The following CCNF variants were observed in gnomAD, a reference collection of about 807,000 sequenced individuals.
CCNF encodes cyclin-F.
Under a neutral mutation model 85.4 loss-of-function variants are expected in CCNF, and 30 were observed. The ratio of observed to expected loss-of-function variants is 0.35; its 90% CI spans 0.26 to 0.48. The LOEUF (loss-of-function observed/expected upper bound fraction) is 0.48, where lower values mean the gene tolerates loss of function less well. Among genes scored for constraint, CCNF ranks in the 20% least tolerant of loss-of-function variants. The pLI, the probability that CCNF is intolerant of heterozygous loss-of-function variation, is 0.99. For synonymous variants in CCNF, 439 were observed against 425.1 expected (o/e 1.03, Z -0.40); for missense variants, 919 against 1,010.4 (o/e 0.91, Z 1.23).
intron 3 of CCNF, among the ~76,000 whole-genome samples, chr16:2,433,792 G>T (rs2065274244): frequency 6.6e-6 from 1 of 152,028 alleles, no homozygotes; most frequent in Non-Finnish European, 1.5e-5. Flanking sequence ...CGCCATGTTG[G>T]CCAGGATGGT....
In CCNF at chr16:2,451,152, C is replaced by G. The variant is rs952565267; in HGVS notation, c.1487+1237C>G. Reference sequence around the variant, plus strand: ...CAGTTCATGAAGTCCCTACCGTGGTCCAGGCGCTGGGGGAGAGGGCAGGAC... The same window carrying G: ...CAGTTCATGAAGTCCCTACCGTGGTGCAGGCGCTGGGGGAGAGGGCAGGAC... On this transcript the variant is annotated intron_variant, in intron 13 of 16. Coordinates refer to ENST00000397066, the MANE Select transcript of CCNF (RefSeq NM_001761.3). This position sits in a 1 kb window ranked among gnomAD's most constrained non-coding sequence, Gnocchi z 4.3. Among the ~76,000 whole-genome samples the G allele has an allele frequency of 6.6e-6, 1 of 152,240 alleles. No homozygotes were observed. Among genetic ancestry groups the G allele is most frequent in the Non-Finnish European group, 1.5e-5 (1 of 68,040 alleles).
At chr16:2,434,432 G>A (rs1192951854) in intron 3 of CCNF, among the ~76,000 whole-genome samples, 2 of 152,228 alleles carry the variant, frequency 1.3e-5, no homozygotes, top group African/African-American at 4.8e-5. Context: ...GAGCAACATG[G>A]TGAAACCCTG....
At position 2,432,968 on chromosome 16, in the gene CCNF, C is replaced by A. The variant is rs1375777862; in HGVS notation, c.179C>A (p.Ser60Tyr). ...GCCCCCGTTGTTCTGCAGGTACACT[C>A]CCAGCTGAAGGACCTGGTGGACAAC... Reference protein sequence around the residue: ...EDILAVRAVHSQLKDLVDNHA... With the variant: ...EDILAVRAVHYQLKDLVDNHA... The change falls in exon 3 of 17, where the codon TCC becomes TAC. Residue 60 changes from serine (S) to tyrosine (Y), a missense_variant. Coordinates refer to ENST00000397066, the MANE Select transcript of CCNF (RefSeq NM_001761.3). 4.4e-6 allele frequency: 7 copies of A among 1,602,708 alleles called. No individual in the cohort carries two copies. The African/African-American group carries it at 8.0e-5, about 18-fold the overall frequency.
At chr16:2,430,161 A>G (rs1175328636) in intron 1 of CCNF, among the ~76,000 whole-genome samples, 1 of 152,146 alleles carries the variant, frequency 6.6e-6, no homozygotes, top group African/African-American at 2.4e-5. Context: ...AGCCGGGAGC[A>G]ATCGCTAGGA....
chr16:2,456,758 CAG>C lies in CCNF; in HGVS notation c.2100_2101del (p.Gly701ValfsTer32). On this transcript the variant is annotated frameshift_variant, in exon 17 of 17. Coordinates refer to ENST00000397066, the MANE Select transcript of CCNF (RefSeq NM_001761.3). LOFTEE classifies it low-confidence loss of function (END_TRUNC). This position sits in a 1 kb window ranked among gnomAD's most constrained non-coding sequence, Gnocchi z 4.5. ...GAGCCAGGGAAGGACGTCACGACCT[CAG>C]GGTACTCCTCCGTCAGCACCGCAAG... The C allele has an allele frequency of 6.2e-7, 1 of 1,612,888 alleles. No homozygotes were observed. The highest frequency in any genetic ancestry group is 1.1e-5 in the South Asian group (1 of 90,976).
intron 8 of CCNF, among the ~76,000 whole-genome samples, chr16:2,441,232 C>CA (rs1206876675): frequency 9.1e-4 from 129 of 142,416 alleles, no homozygotes; most frequent in Admixed American, 3.5e-3. Flanking sequence ...TACTCCATCT[C>CA]AAAAAAAAAA....
At chr16:2,444,645 A>G (rs2065351808) in intron 9 of CCNF, among the ~76,000 whole-genome samples, 1 of 148,832 alleles carries the variant, frequency 6.7e-6, no homozygotes, top group Non-Finnish European at 1.5e-5. Flanking sequence ...CACCCAGGCC[A>G]GAGTGCAGTG....
At position 2,458,450 on chromosome 16, in the gene CCNF, A is replaced by G. The variant is rs2141835340; in HGVS notation, c.*1430A>G. On this transcript the variant is annotated 3_prime_UTR_variant, in exon 17 of 17. Coordinates refer to ENST00000397066, the MANE Select transcript of CCNF (RefSeq NM_001761.3). ...TTTTCGGTAGAGACGGGATTTCACC[A>G]TGTTGGCCAGGCTAGTCTCGAACTC... 6.6e-6 allele frequency: 1 copy of G among 152,100 alleles called. No individual in the cohort carries two copies. Among genetic ancestry groups the G allele is most frequent in the Admixed American group, 6.5e-5 (1 of 15,280 alleles). The allele number at this position is 152,100 out of a possible 1,614,324, so 9.4% of individuals were successfully genotyped here.
chr16:2,449,178 G>A (rs779564332), intron 11 of CCNF, 104 bp from the exon 12 acceptor site: 260 of 1,474,430 alleles, frequency 1.8e-4, no homozygotes, highest in Non-Finnish European at 2.2e-4. Flanking sequence ...GTGCAGCATC[G>A]GCGTGAACAT....
chr16:2,449,225 C>A, intron 11 of CCNF, 57 bp from the exon 12 acceptor site: 1 of 1,580,732 alleles, frequency 6.3e-7, no homozygotes, highest in Non-Finnish European at 8.7e-7. Context: ...CTGCATGCGG[C>A]ACTGCACCAA....
Position 2,445,634 on chromosome 16 carries a change from C to A in CCNF, c.1094+12C>A. The A allele has an allele frequency of 6.2e-7, 1 of 1,609,034 alleles. No individual in the cohort carries two copies. Among genetic ancestry groups the A allele is most frequent in the South Asian group, 1.1e-5 (1 of 90,932 alleles). ...GTCATCTGCACCCGGTGAGAAGCCCCCTTGGCCCAGCTGGCAGGGACGTGC... is the reference window on the plus strand; with the variant it reads ...GTCATCTGCACCCGGTGAGAAGCCCACTTGGCCCAGCTGGCAGGGACGTGC... On this transcript the variant is annotated intron_variant, in intron 10 of 16. Transcript: ENST00000397066.
Position 2,448,842 on chromosome 16 carries a change from C to A in CCNF, c.1095-13C>A. On this transcript the variant is annotated splice_polypyrimidine_tract_variant and intron_variant, in intron 10 of 16. Coordinates refer to ENST00000397066, the MANE Select transcript of CCNF (RefSeq NM_001761.3). ...AGTGGGCTCCACCCTGAGACCCCTT[C>A]TCGGCGTTGCAGGTTTATCAGTAAA... 1 of 1,613,148 alleles carries A rather than the reference C, an allele frequency of 6.2e-7. No homozygotes were observed. The highest frequency in any genetic ancestry group is 8.5e-7 in the Non-Finnish European group (1 of 1,179,252).
At position 2,453,334 on chromosome 16, in the gene CCNF, G is replaced by A. The variant is rs776914139; in HGVS notation, c.1587+25G>A. ...GGTGCCTCCCTCCCGCCACCTGGGC[G>A]TCTCATGGGGTGCTGGGGTGTGGGC... On this transcript the variant is annotated intron_variant, in intron 14 of 16. Transcript: ENST00000397066. This position sits in a 1 kb window ranked among gnomAD's most constrained non-coding sequence, Gnocchi z 5.6. The A allele has an allele frequency of 4.3e-5, 70 of 1,613,752 alleles. No homozygotes were observed. Among genetic ancestry groups the A allele is most frequent in the Non-Finnish European group, 5.5e-5 (65 of 1,180,002 alleles).
At chr16:2,437,033 G>A (rs2065294609) in intron 4 of CCNF, 96 bp from the exon 5 acceptor site, 2 of 1,054,304 alleles carry the variant, frequency 1.9e-6, no homozygotes, top group East Asian at 2.5e-5. Context: ...ACTATGGTGG[G>A]CTTCAGGCAT....
At chr16:2,442,151 ATTG>A (rs1280248216) in intron 8 of CCNF, among the ~76,000 whole-genome samples, 11 of 143,068 alleles carry the variant, frequency 7.7e-5, no homozygotes, top group African/African-American at 2.8e-4. Context: ...GACTACAGGC[ATTG>A]CACCACCACG....
chr16:2,437,497 G>A (rs1158256526), intron 5 of CCNF, 175 bp downstream of exon 5: 3 of 562,000 alleles, frequency 5.3e-6, no homozygotes, highest in Non-Finnish European at 9.3e-6. Context: ...TGGCACAGAG[G>A]AGGAAGCCTG....
At chr16:2,449,218 C>A in intron 11 of CCNF, 64 bp from the exon 12 acceptor site, 1 of 1,564,558 alleles carries the variant, frequency 6.4e-7, no homozygotes, top group Non-Finnish European at 8.8e-7. Flanking sequence ...GCTGGGCCTG[C>A]ATGCGGCACT....
intron 12 of CCNF, 112 bp from the exon 13 acceptor site, chr16:2,449,716 C>T (rs1056233841): frequency 3.8e-6 from 3 of 797,186 alleles, no homozygotes; most frequent in African/African-American, 3.4e-5. Flanking sequence ...CAGCAGAGCC[C>T]ACAGAGCTAT....
Position 2,453,596 on chromosome 16 carries a change from G to C in CCNF, c.1715+59G>C. The C allele has an allele frequency of 1.2e-6, 2 of 1,606,478 alleles. No homozygotes were observed. Among genetic ancestry groups the C allele is most frequent in the Non-Finnish European group, 1.7e-6 (2 of 1,176,138 alleles). ...ATGCTGGCATCCTCGTGCCGGCCCA[G>C]TTCCCTCAGCGCTTCCTCACACAGA... On this transcript the variant is annotated intron_variant, in intron 15 of 16. Transcript: ENST00000397066. This position sits in a 1 kb window ranked among gnomAD's most constrained non-coding sequence, Gnocchi z 5.6.
Sources: allele counts gnomAD v4.1 joint callset (sites outside exome capture counted in the v4.1 genomes callset), GRCh38; gene constraint gnomAD v4.1.1; non-coding constraint Gnocchi (gnomAD v3.1); transcripts MANE v1.5; gene names NCBI Gene and HGNC (gene_info 2026-07-23, HGNC 2026-07-21).